The following GALNT10 variants were observed in gnomAD, a reference collection of about 807,000 sequenced individuals.
The protein encoded by GALNT10 is polypeptide N-acetylgalactosaminyltransferase 10.
A neutral mutation model predicts 75.0 loss-of-function variants in GALNT10; 41 were observed. The observed-to-expected ratio is 0.55, with a 90% confidence interval of 0.43 to 0.71. GALNT10 has a LOEUF of 0.71. GALNT10 is among the 30% of genes least tolerant of loss of function. The pLI is 0.00. For missense variants in GALNT10, 727 were observed against 818.5 expected, an observed-to-expected ratio of 0.89 and a Z score of 1.36; for synonymous variants, 302 against 313.0, an observed-to-expected ratio of 0.96 and a Z score of 0.37.
intron 7 of GALNT10, among the ~76,000 whole-genome samples, chr5:154,390,700 C>T (rs1224256701): frequency 6.6e-6 from 1 of 152,218 alleles, no homozygotes; most frequent in Non-Finnish European, 1.5e-5. Flanking sequence ...CTAGAAGACC[C>T]TCTTCAGAAC....
chr5:154,287,449 T>C (rs1754128196), intron 1 of GALNT10: 1 of 151,226 alleles, frequency 6.6e-6, no homozygotes, highest in African/African-American at 2.4e-5. Flanking sequence ...GTTAAAATCC[T>C]ACCCCTTCTC....
At chr5:154,220,487 T>G (rs1362512730) in intron 1 of GALNT10, 1 of 152,186 alleles carries the variant, frequency 6.6e-6, no homozygotes, top group African/African-American at 2.4e-5. Flanking sequence ...ACTGCACATT[T>G]AGGTTTCCAT....
intron 1 of GALNT10, among the ~76,000 whole-genome samples, chr5:154,281,544 G>A (rs932163827): frequency 4.6e-5 from 7 of 152,068 alleles, no homozygotes; most frequent in Non-Finnish European, 1.0e-4. Context: ...GAAAGACAAG[G>A]GGACCTGCCT....
intron 1 of GALNT10, among the ~76,000 whole-genome samples, chr5:154,248,066 T>G (rs1347612065): frequency 1.3e-5 from 2 of 152,250 alleles, no homozygotes; most frequent in Non-Finnish European, 2.9e-5. Flanking sequence ...TCTATTGAGA[T>G]AATCATGTGG....
At chr5:154,321,801 CT>C (rs66509634) in intron 3 of GALNT10, among the ~76,000 whole-genome samples, 63,779 of 151,956 alleles carry the variant, frequency 0.42, 15,544 homozygotes, top group East Asian at 0.62. Flanking sequence ...CACCTGCCCC[CT>C]AGACAGCACC....
At chr5:154,327,714 T>C (rs1754777419) in intron 3 of GALNT10, among the ~76,000 whole-genome samples, 2 of 152,218 alleles carry the variant, frequency 1.3e-5, no homozygotes, top group Admixed American at 1.3e-4. Context: ...ATAGTTGATG[T>C]GGTAAAGTTT....
chr5:154,349,788 T>G (rs957486014), intron 4 of GALNT10: 19 of 152,148 alleles, frequency 1.2e-4, no homozygotes, highest in Admixed American at 2.0e-4. Flanking sequence ...GGGAACAGAC[T>G]ATTTGAAATT....
Position 154,380,613 on chromosome 5 carries a change from A to G in GALNT10, c.920A>G (p.Asp307Gly). The change falls in exon 6 of 12, where the codon GAC becomes GGC. Residue 307 changes from aspartate to glycine, a missense_variant. By Grantham distance (94) the Asp-to-Gly change is moderately conservative. Coordinates refer to ENST00000297107, the MANE Select transcript of GALNT10 (RefSeq NM_198321.4). Reference sequence around the variant, plus strand: ...ATCCCTCCAGAACTGCAGAAAGCTGACCCCAGCGACCCATTTGAGTAAGTA... The same window carrying G: ...ATCCCTCCAGAACTGCAGAAAGCTGGCCCCAGCGACCCATTTGAGTAAGTA... ...IPIPPELQKADPSDPFESPVM... is the reference protein window; with the variant it reads ...IPIPPELQKAGPSDPFESPVM... 1 of 1,611,952 alleles carries G rather than the reference A, an allele frequency of 6.2e-7. No homozygotes were observed. Among genetic ancestry groups the G allele is most frequent in the East Asian group, 2.2e-5 (1 of 44,808 alleles).
At position 154,328,432 on chromosome 5, in the gene GALNT10, T is replaced by C. The variant is rs1047443647; in HGVS notation, c.402-1140T>C. Among the ~76,000 whole-genome samples the C allele has an allele frequency of 4.6e-5, 7 of 152,198 alleles. No individual in the cohort carries two copies. In the South Asian group the frequency reaches 6.2e-4, roughly 14 times the overall value. On this transcript the variant is annotated intron_variant, in intron 3 of 11. Coordinates refer to ENST00000297107, the MANE Select transcript of GALNT10 (RefSeq NM_198321.4). ...TCATGGATAAATCATTTCTCCTCCA[T>C]TGGAGAGGAATGTGTAATATGAAAA...
chr5:154,331,662 A>C (rs1191842530), intron 4 of GALNT10, among the ~76,000 whole-genome samples: 1 of 152,200 alleles, frequency 6.6e-6, no homozygotes, highest in East Asian at 1.9e-4. Context: ...GTTGGTGTGC[A>C]GGAAGGGGAG....
intron 1 of GALNT10, among the ~76,000 whole-genome samples, chr5:154,227,798 T>C (rs998980273): frequency 1.3e-5 from 2 of 152,186 alleles, no homozygotes; most frequent in African/African-American, 4.8e-5. Context: ...TTTTAGACTT[T>C]ACATTTAGAT....
intron 4 of GALNT10, among the ~76,000 whole-genome samples, chr5:154,358,623 A>G (rs1343642557): frequency 6.6e-6 from 1 of 151,134 alleles, no homozygotes; most frequent in Non-Finnish European, 1.5e-5. Context: ...GCTACCTCCC[A>G]CTCCTCCTGT....
intron 1 of GALNT10, among the ~76,000 whole-genome samples, chr5:154,284,011 C>T (rs17628768): frequency 0.064 from 9,675 of 152,224 alleles, 439 homozygotes; most frequent in Non-Finnish European, 0.094. Context: ...TCTGCTTTTA[C>T]CCTGGTGCAA....
At chr5:154,260,499 C>T (rs142264206) in intron 1 of GALNT10, among the ~76,000 whole-genome samples, 1 of 152,288 alleles carries the variant, frequency 6.6e-6, no homozygotes, top group East Asian at 1.9e-4. Flanking sequence ...TAATTAGTCT[C>T]CTGTCTCTTT....
chr5:154,329,378 A>T, intron 3 of GALNT10, 194 bp from the exon 4 acceptor site: 1 of 595,844 alleles, frequency 1.7e-6, no homozygotes, highest in South Asian at 2.0e-5. Context: ...TGTGCTGTAT[A>T]TGCAGAGATT....
intron 1 of GALNT10, among the ~76,000 whole-genome samples, chr5:154,198,496 A>G (rs544641358): frequency 3.2e-4 from 48 of 152,314 alleles, no homozygotes; most frequent in Non-Finnish European, 5.3e-4. Context: ...CAATTCGAAG[A>G]TAAGTGGTTG....
intron 4 of GALNT10, among the ~76,000 whole-genome samples, chr5:154,354,011 A>T (rs1755251772): frequency 1.3e-5 from 2 of 152,204 alleles, no homozygotes; most frequent in Non-Finnish European, 2.9e-5. Context: ...ATGAATAGGT[A>T]TGAGAGCACC....
chr5:154,192,199 T>C (rs1300950961), intron 1 of GALNT10, among the ~76,000 whole-genome samples: 1 of 152,220 alleles, frequency 6.6e-6, no homozygotes, highest in Non-Finnish European at 1.5e-5. Flanking sequence ...CAGGCTGCTG[T>C]CTAGGCAGTC....
intron 3 of GALNT10, among the ~76,000 whole-genome samples, chr5:154,319,546 T>C (rs1754644796): frequency 6.6e-6 from 1 of 152,182 alleles, no homozygotes; most frequent in Non-Finnish European, 1.5e-5. Flanking sequence ...CTGCTTCATC[T>C]CCCTCATTTG....
Sources: allele counts gnomAD v4.1 joint callset (sites outside exome capture counted in the v4.1 genomes callset), GRCh38; gene constraint gnomAD v4.1.1; transcripts MANE v1.5; gene names NCBI Gene and HGNC (gene_info 2026-07-23, HGNC 2026-07-21).